N4BP2: variants seen among roughly 807,000 people sequenced by gnomAD.
The protein encoded by N4BP2 is NEDD4 binding protein 2.
Under a neutral mutation model 152.8 loss-of-function variants are expected in N4BP2, and 91 were observed. The ratio of observed to expected loss-of-function variants is 0.60; its 90% confidence interval spans 0.50 to 0.71. The LOEUF (loss-of-function observed/expected upper bound fraction) is 0.71. Ranked by LOEUF, N4BP2 falls within the 30% of genes least tolerant of loss-of-function variation. N4BP2 has a pLI of 0.00. For missense variants in N4BP2, 1,923 were observed against 2,059.1 expected, an observed-to-expected ratio of 0.93 and a Z score of 1.28; for synonymous variants, 646 against 705.3, an observed-to-expected ratio of 0.92 and a Z score of 1.33.
At chr4:40,113,944 T>C (rs1717128942) in intron 7 of N4BP2, among the ~76,000 whole-genome samples, 1 of 152,126 alleles carries the variant, frequency 6.6e-6, no homozygotes, top group African/African-American at 2.4e-5. Context: ...GAACAGACCC[T>C]AGGATTTGGC....
At chr4:40,172,612 C>G in the N4BP2 span, among the ~76,000 whole-genome samples, 1 of 152,200 alleles carries the variant, frequency 6.6e-6, no homozygotes, top group East Asian at 1.9e-4. Context: ...GCCTCCCTTG[C>G]AGCCCTCAGA....
chr4:40,095,841 T>A (rs1715060236), intron 2 of N4BP2, among the ~76,000 whole-genome samples: 2 of 152,130 alleles, frequency 1.3e-5, no homozygotes. Context: ...TGTAAGAACT[T>A]TAGTTTTTTC....
At chr4:40,141,065 C>T (rs916940434) in intron 14 of N4BP2, among the ~76,000 whole-genome samples, 2 of 151,924 alleles carry the variant, frequency 1.3e-5, no homozygotes, top group Admixed American at 1.3e-4. Context: ...TCCACAAAAC[C>T]GCCATTGTCA....
At chr4:40,078,482 C>T (rs150856854) in intron 2 of N4BP2, among the ~76,000 whole-genome samples, 39 of 150,732 alleles carry the variant, frequency 2.6e-4, no homozygotes, top group African/African-American at 8.5e-4. Flanking sequence ...TCTTGACTTG[C>T]GTATGGTGGC....
the N4BP2 span, among the ~76,000 whole-genome samples, chr4:40,171,078 G>T: frequency 2.0e-5 from 3 of 152,318 alleles, no homozygotes; most frequent in East Asian, 3.9e-4. Context: ...TTTAATGATT[G>T]TATCAGTTAT....
chr4:40,104,218 C>T (rs1198159722), intron 4 of N4BP2, among the ~76,000 whole-genome samples: 8 of 151,224 alleles, frequency 5.3e-5, no homozygotes, highest in South Asian at 2.1e-4. Flanking sequence ...TCCCAAAGTG[C>T]TGGGATTACA....
intron 14 of N4BP2, among the ~76,000 whole-genome samples, chr4:40,140,576 A>G (rs536844356): frequency 8.0e-4 from 121 of 150,436 alleles, no homozygotes; most frequent in Non-Finnish European, 1.4e-3. Flanking sequence ...TTTTGCACTT[A>G]TTCTCTTTTT....
chr4:40,089,057 C>G (rs558404574), intron 2 of N4BP2, among the ~76,000 whole-genome samples: 1 of 151,842 alleles, frequency 6.6e-6, no homozygotes, highest in East Asian at 1.9e-4. Flanking sequence ...TGCAAAGGAT[C>G]CTTCCACCTT....
At chr4:40,139,342 C>T (rs1719690671) in intron 14 of N4BP2, among the ~76,000 whole-genome samples, 2 of 152,168 alleles carry the variant, frequency 1.3e-5, no homozygotes, top group Non-Finnish European at 2.9e-5. Context: ...AGCAGTCCTC[C>T]CGCCTCAGCC....
chr4:40,057,999 A>G (rs1733360408), intron 1 of N4BP2, among the ~76,000 whole-genome samples: 1 of 152,134 alleles, frequency 6.6e-6, no homozygotes, highest in South Asian at 2.1e-4. Flanking sequence ...TCTACTCGAC[A>G]TCTTTGAGCC....
At chr4:40,145,903 C>CT (rs1228680953) in intron 16 of N4BP2, among the ~76,000 whole-genome samples, 1 of 152,080 alleles carries the variant, frequency 6.6e-6, no homozygotes, top group Non-Finnish European at 1.5e-5. Context: ...TGGCTCATGC[C>CT]TGTAATCCCA....
intron 2 of N4BP2, among the ~76,000 whole-genome samples, chr4:40,095,129 G>T (rs1714992798): frequency 6.6e-6 from 1 of 151,702 alleles, no homozygotes; most frequent in Non-Finnish European, 1.5e-5. Flanking sequence ...TGTTGCCCAG[G>T]CTGGAGTGTA....
intron 2 of N4BP2, among the ~76,000 whole-genome samples, chr4:40,089,198 C>T (rs938749309): frequency 2.6e-5 from 4 of 151,296 alleles, no homozygotes; most frequent in Non-Finnish European, 4.4e-5. Flanking sequence ...AAGGGATTCC[C>T]CCCCTCTTCA....
chr4:40,181,431 T>C, the N4BP2 span, among the ~76,000 whole-genome samples: 4 of 152,186 alleles, frequency 2.6e-5, no homozygotes, highest in African/African-American at 9.7e-5. Context: ...AAATTGTATG[T>C]GACAGAAAAC....
chr4:40,181,153 A>C, the N4BP2 span, among the ~76,000 whole-genome samples: 1 of 152,196 alleles, frequency 6.6e-6, no homozygotes, highest in Non-Finnish European at 1.5e-5. Flanking sequence ...CTGTCTCAAA[A>C]AAGAAAAAAA....
rs749615344 is a variant in N4BP2, at chr4:40,117,934, T to A, written c.1730T>A (p.Val577Asp). The A allele has an allele frequency of 6.2e-7, 1 of 1,613,014 alleles. No individual in the cohort carries two copies. The highest frequency in any genetic ancestry group is 1.7e-5 in the Admixed American group (1 of 59,912). ...ATGTTGGAACATTATCAACGTTTTG[T>A]TTCAGTGCCAATAATTATGAGTTCT... ...TRMLEHYQRF[V>D]SVPIIMSSSV... Residue 577 changes from valine to aspartate, a missense_variant, in exon 8 of 18, where the codon GTT becomes GAT. Physicochemically the swap from Val to Asp is radical, Grantham distance 152. Transcript: ENST00000261435.
At chr4:40,122,356 C>A (rs1212513117) in intron 9 of N4BP2, 47 bp downstream of exon 9, 3 of 1,268,200 alleles carry the variant, frequency 2.4e-6, no homozygotes, top group African/African-American at 3.0e-5. Flanking sequence ...TGTGACTAGA[C>A]TACAGAGGGT....
At chr4:40,126,792 C>G (rs534845173) in intron 12 of N4BP2, among the ~76,000 whole-genome samples, 1 of 152,254 alleles carries the variant, frequency 6.6e-6, no homozygotes, top group East Asian at 1.9e-4. Context: ...GAGTCTCGCT[C>G]TGTTGCCCAG....
At chr4:40,159,279 A>G (rs1436552528), downstream of N4BP2, among the ~76,000 whole-genome samples, 2 of 152,206 alleles carry the variant, frequency 1.3e-5, no homozygotes, top group East Asian at 1.9e-4. Flanking sequence ...TTGAAAACCT[A>G]CCATTTATGA....
Sources: gnomAD v4.1 joint callset for allele counts (sites outside exome capture counted in the v4.1 genomes callset) on GRCh38, gnomAD v4.1.1 for gene constraint, MANE v1.5 for transcripts, NCBI Gene and HGNC (gene_info 2026-07-23, HGNC 2026-07-21) for gene names.